The following SDC2 variants were observed in gnomAD, a reference collection of about 807,000 sequenced individuals.
SDC2 encodes syndecan-2.
A neutral mutation model predicts 22.2 loss-of-function variants in SDC2; 13 were observed. The observed-to-expected ratio is 0.59, with a 90% CI of 0.38 to 0.93. The LOEUF is 0.93. SDC2 is among the 40% of genes least tolerant of loss of function. The probability of loss-of-function intolerance (pLI) is 0.00; values close to 1 mark genes in which losing one functional copy is unlikely to be tolerated. For missense variants in SDC2, 235 were observed against 246.8 expected (o/e 0.95, Z 0.32); for synonymous variants, 94 against 92.8 (o/e 1.01, Z -0.07).
At chr8:96,496,078 TA>T (rs1377988559) in intron 1 of SDC2, among the ~76,000 whole-genome samples, 1 of 152,192 alleles carries the variant, frequency 6.6e-6, no homozygotes, top group Non-Finnish European at 1.5e-5. Context: ...AGAGCCTGCC[TA>T]AAAAACTGCA....
chr8:96,530,989 G>A (rs1813652627), intron 1 of SDC2, among the ~76,000 whole-genome samples: 1 of 152,178 alleles, frequency 6.6e-6, no homozygotes, highest in South Asian at 2.1e-4. Flanking sequence ...ATAAATGACT[G>A]CTCTTGGCTG....
chr8:96,584,767 G>A (rs1814653008), intron 1 of SDC2, among the ~76,000 whole-genome samples: 1 of 152,248 alleles, frequency 6.6e-6, no homozygotes, highest in Non-Finnish European at 1.5e-5. Flanking sequence ...CAAACCTCTC[G>A]CTTCTCTCTG....
At chr8:96,573,729 G>A (rs909904034) in intron 1 of SDC2, among the ~76,000 whole-genome samples, 6 of 152,074 alleles carry the variant, frequency 3.9e-5, no homozygotes, top group African/African-American at 1.2e-4. Flanking sequence ...ACTGCCTCCA[G>A]TCAAGCCCCT....
intron 1 of SDC2, among the ~76,000 whole-genome samples, chr8:96,523,686 G>C (rs1813532817): frequency 6.6e-6 from 1 of 152,064 alleles, no homozygotes; most frequent in Non-Finnish European, 1.5e-5. Context: ...ATAAAACGTT[G>C]GTTTAAACGT....
intron 1 of SDC2, among the ~76,000 whole-genome samples, chr8:96,559,291 A>G (rs1331664875): frequency 1.3e-5 from 2 of 152,168 alleles, no homozygotes; most frequent in African/African-American, 4.8e-5. Context: ...GAGAGGAGAA[A>G]GGAAGGAATT....
chr8:96,608,517 T>C, intron 4 of SDC2, 47 bp downstream of exon 4: 1 of 1,533,002 alleles, frequency 6.5e-7, no homozygotes, highest in East Asian at 2.3e-5. Context: ...TACATAGGCC[T>C]CTGTTAGTCT....
intron 1 of SDC2, among the ~76,000 whole-genome samples, chr8:96,582,333 C>G (rs918850773): frequency 4.0e-5 from 6 of 151,364 alleles, no homozygotes; most frequent in African/African-American, 1.5e-4. Flanking sequence ...TATGAATAAT[C>G]TCTTTGACAC....
intron 1 of SDC2, among the ~76,000 whole-genome samples, chr8:96,521,321 A>C (rs1019105086): frequency 1.3e-5 from 2 of 152,242 alleles, no homozygotes; most frequent in Non-Finnish European, 2.9e-5. Context: ...AGTGACAGGT[A>C]AATAGATCAT....
intron 1 of SDC2, among the ~76,000 whole-genome samples, chr8:96,513,077 G>T (rs558171971): frequency 2.0e-5 from 3 of 151,844 alleles, no homozygotes; most frequent in African/African-American, 7.3e-5. Flanking sequence ...GGCCTTTCTC[G>T]CAAGCTTTAG....
chr8:96,586,137 A>G (rs78471329), intron 1 of SDC2, among the ~76,000 whole-genome samples: 6,639 of 152,292 alleles, frequency 0.044, 225 homozygotes, highest in Non-Finnish European at 0.063. Context: ...CATGAGCCCA[A>G]GGTTTCTTCC....
At chr8:96,594,713 G>A (rs2130636563) in intron 2 of SDC2, among the ~76,000 whole-genome samples, 1 of 152,300 alleles carries the variant, frequency 6.6e-6, no homozygotes, top group South Asian at 2.1e-4. Context: ...CACAGGGACT[G>A]GGTAATTTAT....
intron 1 of SDC2, among the ~76,000 whole-genome samples, chr8:96,590,744 AT>A (rs1217864557): frequency 3.3e-5 from 5 of 152,088 alleles, no homozygotes; most frequent in African/African-American, 9.7e-5. Flanking sequence ...GATATTGGTA[AT>A]TTCTCCTATG....
intron 1 of SDC2, among the ~76,000 whole-genome samples, chr8:96,571,584 G>A (rs1814395804): frequency 6.6e-6 from 1 of 152,170 alleles, no homozygotes; most frequent in South Asian, 2.1e-4. Flanking sequence ...CCCTAGTGAT[G>A]TACTTGTTTG....
chr8:96,549,046 G>A (rs1019327598), intron 1 of SDC2, among the ~76,000 whole-genome samples: 2 of 152,150 alleles, frequency 1.3e-5, no homozygotes, highest in Non-Finnish European at 1.5e-5. Context: ...AATTGAACTC[G>A]AAGGTGCCTC....
intron 1 of SDC2, among the ~76,000 whole-genome samples, chr8:96,494,677 G>T (rs922992708): frequency 1.3e-5 from 2 of 152,168 alleles, no homozygotes; most frequent in Non-Finnish European, 2.9e-5. Flanking sequence ...GGCAGGAGGG[G>T]GGAGCCTGGG....
At chr8:96,557,614 G>T (rs1399776007) in intron 1 of SDC2, among the ~76,000 whole-genome samples, 1 of 151,606 alleles carries the variant, frequency 6.6e-6, no homozygotes, top group Non-Finnish European at 1.5e-5. Context: ...ATCACACTCT[G>T]GGGACTGTGG....
rs199970598 is a variant in SDC2 at position 96,585,853 on chromosome 8, GTTTTTTTTTTT to G, written c.61-7612_61-7602del. Reference sequence around the variant, plus strand: ...GTGCCAAGTAATCCTCTGGCAAGAGGTTTTTTTTTTTTTTTTTTTTTTTTTGGTTGGTGGGG... The same window carrying G: ...GTGCCAAGTAATCCTCTGGCAAGAGGTTTTTTTTTTTTTTGGTTGGTGGGG... On this transcript the variant is annotated intron_variant, in intron 1 of 4. Coordinates refer to ENST00000302190, the MANE Select transcript of SDC2 (RefSeq NM_002998.4). 4.8e-5 allele frequency among the ~76,000 whole-genome samples: 7 copies of G among 145,486 alleles called. No homozygotes were observed. The South Asian group carries it at 8.8e-4, about 18-fold the overall frequency.
intron 1 of SDC2, among the ~76,000 whole-genome samples, chr8:96,510,513 A>G (rs1813312067): frequency 6.6e-6 from 1 of 152,194 alleles, no homozygotes; most frequent in Non-Finnish European, 1.5e-5. Context: ...TCTAAAACAC[A>G]CAATTTGAAT....
chr8:96,527,777 G>A (rs990647066), intron 1 of SDC2, among the ~76,000 whole-genome samples: 1 of 152,288 alleles, frequency 6.6e-6, no homozygotes, highest in African/African-American at 2.4e-5. Context: ...TAAGTTACCA[G>A]AGAAAATTGA....
Sources: gnomAD v4.1 joint callset for allele counts (sites outside exome capture counted in the v4.1 genomes callset) on GRCh38, gnomAD v4.1.1 for gene constraint, MANE v1.5 for transcripts, NCBI Gene and HGNC (gene_info 2026-07-23, HGNC 2026-07-21) for gene names.